MYO5A: variants seen among roughly 807,000 people sequenced by gnomAD.
The protein encoded by MYO5A is myosin VA.
MYO5A carries 98 observed loss-of-function variants against 249.7 expected under a neutral mutation model. The ratio of observed to expected loss-of-function variants is 0.39; its 90% confidence interval spans 0.33 to 0.46. The LOEUF (loss-of-function observed/expected upper bound fraction) is 0.46. Ranked by LOEUF, MYO5A falls within the 20% of genes least tolerant of loss-of-function variation. MYO5A has a pLI of 0.98. For missense variants in MYO5A, 1,696 were observed against 2,308.8 expected (o/e 0.73, Z 5.44); for synonymous variants, 778 against 810.6 (o/e 0.96, Z 0.68).
chr15:52,365,267 T>G (rs1247093891), intron 23 of MYO5A, among the ~76,000 whole-genome samples: 1 of 152,212 alleles, frequency 6.6e-6, no homozygotes, highest in African/African-American at 2.4e-5. Context: ...CCAGATAAAA[T>G]GCTCGGGCCT....
intron 12 of MYO5A, among the ~76,000 whole-genome samples, chr15:52,391,407 G>A (rs192950890): frequency 6.6e-5 from 10 of 152,270 alleles, no homozygotes; most frequent in Admixed American, 3.9e-4. Context: ...ATAAACTAAA[G>A]AGAAATAAAG....
At chr15:52,522,021 C>G (rs758326881) in intron 1 of MYO5A, among the ~76,000 whole-genome samples, 1 of 152,194 alleles carries the variant, frequency 6.6e-6, no homozygotes, top group African/African-American at 2.4e-5. Flanking sequence ...CCGCCTCCCA[C>G]TGAAAATGAA....
intron 1 of MYO5A, among the ~76,000 whole-genome samples, chr15:52,460,411 G>A (rs1346431273): frequency 6.6e-6 from 1 of 152,224 alleles, no homozygotes; most frequent in Non-Finnish European, 1.5e-5. Flanking sequence ...TCGGGAGGCC[G>A]AGGCTGGCAG....
rs529754393 is a variant in MYO5A at position 52,308,010 on chromosome 15, T to C, written c.*5686A>G. The C allele has an allele frequency of 4.6e-5, 7 of 152,314 alleles. No homozygotes were observed. The East Asian group carries it at 1.3e-3, about 29-fold the overall frequency. The allele number at this position is 152,314 out of a possible 1,614,324, so 9.4% of individuals were successfully genotyped here. A position where few individuals can be genotyped will look rare whatever the true frequency, so the allele number is the denominator to read the frequency against. On this transcript the variant is annotated 3_prime_UTR_variant, in exon 42 of 42. Coordinates refer to ENST00000399233, the MANE Select transcript of MYO5A (RefSeq NM_001382347.1). ...GCCTGAAATGTGGGCTAAAATTTTA[T>C]AACATGATAACAATAAGATTTGAAA...
At chr15:52,368,502 T>C (rs980451138) in intron 22 of MYO5A, among the ~76,000 whole-genome samples, 3 of 152,204 alleles carry the variant, frequency 2.0e-5, no homozygotes, top group Non-Finnish European at 4.4e-5. Flanking sequence ...ATAACTCTAC[T>C]GTAACTTCTG....
At chr15:52,379,254 C>T (rs2041605693) in intron 18 of MYO5A, among the ~76,000 whole-genome samples, 1 of 152,164 alleles carries the variant, frequency 6.6e-6, no homozygotes, top group African/African-American at 2.4e-5. Context: ...ATATTATACT[C>T]GTCTTTAAAA....
chr15:52,415,924 T>C (rs1194435899), intron 5 of MYO5A: 4 of 587,396 alleles, frequency 6.8e-6, no homozygotes, highest in Admixed American at 3.1e-5. Context: ...TTCAGGATTA[T>C]AGACTAAAAC....
intron 30 of MYO5A, among the ~76,000 whole-genome samples, chr15:52,344,445 C>T (rs2039521582): frequency 6.6e-6 from 1 of 152,192 alleles, no homozygotes. Context: ...GCAGAAACCA[C>T]GGAGTCACCT....
chr15:52,396,048 A>G (rs2042470777), intron 11 of MYO5A, among the ~76,000 whole-genome samples: 3 of 152,210 alleles, frequency 2.0e-5, no homozygotes, highest in African/African-American at 7.2e-5. Flanking sequence ...CATACTCCCA[A>G]GCAATTACCT....
chr15:52,351,612 C>T, intron 27 of MYO5A, 131 bp from the exon 28 acceptor site: 1 of 860,566 alleles, frequency 1.2e-6, no homozygotes, highest in South Asian at 1.5e-5. Flanking sequence ...GAATGGCTTC[C>T]TAGGTTCTGC....
chr15:52,480,020 G>A (rs150754438), intron 1 of MYO5A, among the ~76,000 whole-genome samples: 17 of 152,290 alleles, frequency 1.1e-4, no homozygotes, highest in Admixed American at 3.9e-4. Context: ...GTCTCTGAAC[G>A]TGACTGATCT....
chr15:52,404,267 CAAAAAAAAAAAA>C (rs61505096), intron 9 of MYO5A, among the ~76,000 whole-genome samples: 1 of 87,604 alleles, frequency 1.1e-5, no homozygotes, highest in Non-Finnish European at 2.3e-5. Flanking sequence ...AACTCCGTCT[CAAAAAAAAAAAA>C]AAAAAAAAAA....
chr15:52,482,220 A>G (rs2076729376), intron 1 of MYO5A, among the ~76,000 whole-genome samples: 1 of 152,212 alleles, frequency 6.6e-6, no homozygotes, highest in Non-Finnish European at 1.5e-5. Flanking sequence ...TTTCTCCTAT[A>G]GGCCATCTCT....
chr15:52,355,777 A>G (rs1733739295), intron 25 of MYO5A, among the ~76,000 whole-genome samples: 1 of 152,188 alleles, frequency 6.6e-6, no homozygotes, highest in African/African-American at 2.4e-5. Flanking sequence ...TGTAAATACT[A>G]CTGCATTTTA....
At chr15:52,515,864 G>A (rs1231607350) in intron 1 of MYO5A, among the ~76,000 whole-genome samples, 1 of 151,794 alleles carries the variant, frequency 6.6e-6, no homozygotes, top group Admixed American at 6.6e-5. Flanking sequence ...CAGAGCCCAG[G>A]AACATCAATA....
chr15:52,523,594 G>C (rs1389708411), intron 1 of MYO5A, among the ~76,000 whole-genome samples: 1 of 152,120 alleles, frequency 6.6e-6, no homozygotes, highest in Non-Finnish European at 1.5e-5. Context: ...AAACATGTTT[G>C]GGACATTAAG....
chr15:52,420,303 T>C (rs1320036312), intron 4 of MYO5A, among the ~76,000 whole-genome samples: 1 of 113,708 alleles, frequency 8.8e-6, no homozygotes, highest in African/African-American at 4.1e-5. Context: ...AGACCCTGTA[T>C]TACAAAAAAA....
chr15:52,340,452 G>T, intron 31 of MYO5A, 58 bp from the exon 32 acceptor site: 2 of 1,443,040 alleles, frequency 1.4e-6, no homozygotes, highest in Non-Finnish European at 1.9e-6. Flanking sequence ...GCTGCCTAAC[G>T]GGTGTAAGGC....
chr15:52,355,869 G>T (rs183028529), intron 25 of MYO5A, among the ~76,000 whole-genome samples: 157 of 152,302 alleles, frequency 1.0e-3, no homozygotes, highest in African/African-American at 3.4e-3. Flanking sequence ...AGGGACGACT[G>T]TATAGTTCTT....
Sources: allele counts gnomAD v4.1 joint callset (sites outside exome capture counted in the v4.1 genomes callset), GRCh38; gene constraint gnomAD v4.1.1; transcripts MANE v1.5; gene names NCBI Gene and HGNC (gene_info 2026-07-23, HGNC 2026-07-21).